Variants in TPTE2 observed in about 807,000 individuals in gnomAD.
TPTE2 encodes the protein transmembrane phosphoinositide 3-phosphatase and tensin homolog 2, also known as phosphatidylinositol 3,4,5-trisphosphate 3-phosphatase TPTE2.
Under a neutral mutation model 78.6 loss-of-function variants are expected in TPTE2, and 53 were observed. The observed-to-expected ratio is 0.67, with a 90% CI of 0.54 to 0.85. TPTE2 has a LOEUF of 0.85. Among genes scored for constraint, TPTE2 ranks in the 40% least tolerant of loss-of-function variants. TPTE2 has a pLI of 0.00. For missense variants in TPTE2, 461 were observed against 623.0 expected (o/e 0.74, Z 2.77); for synonymous variants, 175 against 206.2 (o/e 0.85, Z 1.30).
the TPTE2 span, among the ~76,000 whole-genome samples, chr13:19,551,182 G>A: frequency 2.0e-5 from 3 of 152,266 alleles, no homozygotes; most frequent in Admixed American, 1.3e-4. Context: ...ACTTAAAAAG[G>A]CATTGGTCTT....
intron 4 of TPTE2, among the ~76,000 whole-genome samples, chr13:19,480,878 C>T (rs868102421): frequency 1.3e-5 from 2 of 151,950 alleles, no homozygotes; most frequent in Non-Finnish European, 2.9e-5. Flanking sequence ...ACAATATAGA[C>T]ATTTAGCCTC....
intron 1 of TPTE2, 48 bp downstream of exon 4, chr13:19,503,176 T>A: frequency 6.2e-7 from 1 of 1,612,422 alleles, no homozygotes. Flanking sequence ...AATACTTCTA[T>A]GCTCAGTTAT....
chr13:19,449,392 C>A (rs1329992094), intron 13 of TPTE2, among the ~76,000 whole-genome samples: 1 of 152,194 alleles, frequency 6.6e-6, no homozygotes, highest in East Asian at 1.9e-4. Context: ...CCACCTGCCT[C>A]AGCCTCCCAA....
At chr13:19,488,348 T>C (rs1184406899) in intron 3 of TPTE2, among the ~76,000 whole-genome samples, 1 of 152,234 alleles carries the variant, frequency 6.6e-6, no homozygotes, top group Non-Finnish European at 1.5e-5. Flanking sequence ...GCCTCTGCTT[T>C]GAAGATTTGA....
chr13:19,450,157 C>T lies in TPTE2; in HGVS notation c.892G>A (p.Val298Met), dbSNP rs143930436. The T allele has an allele frequency of 1.4e-3, 2,201 of 1,611,204 alleles. 12 individuals carry two copies. Among genetic ancestry groups the T allele is most frequent in the South Asian group, 4.8e-3 (439 of 90,930 alleles). ...TCATTTACTTCCTTGGTGAAAACCA[C>T]CATCTCACTGATTTCAAGTTTAAGA... Residue 298 changes from valine (V) to methionine (M), a missense_variant, in exon 13 of 20, where the codon GTG (valine) becomes ATG (methionine). Coordinates refer to ENST00000400230, the Ensembl canonical transcript of TPTE2.
At chr13:19,547,064 G>T in the TPTE2 span, among the ~76,000 whole-genome samples, 1 of 143,462 alleles carries the variant, frequency 7.0e-6, no homozygotes, top group African/African-American at 2.5e-5. Flanking sequence ...TTAATATTAT[G>T]AAGAGAAGAT....
chr13:19,492,400 A>G lies in TPTE2; in HGVS notation c.119+450T>C, dbSNP rs146141928. On this transcript the variant is annotated intron_variant, in intron 3 of 19. Transcript: ENST00000400230. ...CTCCTTATTGGCTGCTATCTCATCC[A>G]TGTTGCAAATAGGATTCTCTCCTTT... Among the ~76,000 whole-genome samples, 363 of 152,158 alleles carry G rather than the reference A, an allele frequency of 2.4e-3. 3 individuals are homozygous for G. Among genetic ancestry groups the G allele is most frequent in the African/African-American group, 7.8e-3 (322 of 41,514 alleles).
chr13:19,558,870 T>C, the TPTE2 span, among the ~76,000 whole-genome samples: 1 of 152,210 alleles, frequency 6.6e-6, no homozygotes, highest in African/African-American at 2.4e-5. Context: ...ATTAAGTAAT[T>C]ACAAAGATTC....
chr13:19,524,559 A>T (rs1870381891), intron 1 of TPTE2, among the ~76,000 whole-genome samples: 1 of 152,250 alleles, frequency 6.6e-6, no homozygotes, highest in African/African-American at 2.4e-5. Flanking sequence ...AGGAGTCAAC[A>T]GAAACCATAA....
chr13:19,486,384 G>T lies in TPTE2; in HGVS notation c.120-3837C>A, dbSNP rs1271476096. Among the ~76,000 whole-genome samples the T allele has an allele frequency of 6.6e-6, 1 of 152,128 alleles. No individual in the cohort carries two copies. Among genetic ancestry groups the T allele is most frequent in the Non-Finnish European group, 1.5e-5 (1 of 68,018 alleles). ...TGGGCTCACTGGGCTGTTTCTCAGG[G>T]TAGGGGTGTGTGCAGGCATACACTG... On this transcript the variant is annotated intron_variant, in intron 3 of 19. Transcript: ENST00000400230. This position sits in a 1 kb window ranked among gnomAD's most constrained non-coding sequence, Gnocchi z 4.3.
At chr13:19,533,399 A>C (rs1054650707) in intron 1 of TPTE2, among the ~76,000 whole-genome samples, 1 of 152,246 alleles carries the variant, frequency 6.6e-6, no homozygotes, top group Non-Finnish European at 1.5e-5. Flanking sequence ...AATGACTTTA[A>C]AGATATTGGA....
intron 1 of TPTE2, among the ~76,000 whole-genome samples, chr13:19,524,369 G>A (rs575086384): frequency 6.6e-6 from 1 of 152,272 alleles, no homozygotes; most frequent in African/African-American, 2.4e-5. Flanking sequence ...CATAGTCCAA[G>A]AAACCTCAAA....
Position 19,432,594 on chromosome 13 carries a change from A to T in TPTE2, c.1117-16T>A. 6.4e-7 allele frequency: 1 copy of T among 1,556,248 alleles called. No homozygotes were observed. Among genetic ancestry groups the T allele is most frequent in the Non-Finnish European group, 8.8e-7 (1 of 1,135,558 alleles). On this transcript the variant is annotated splice_polypyrimidine_tract_variant and intron_variant, in intron 15 of 19. Transcript: ENST00000400230. ...CATATCTATTCTGAAAAGCAACAGAAATCTTCCTTTAAGTGGAGATGAAAA... is the reference window on the plus strand; with the variant it reads ...CATATCTATTCTGAAAAGCAACAGATATCTTCCTTTAAGTGGAGATGAAAA...
At chr13:19,534,108 T>A (rs893255190) in intron 1 of TPTE2, among the ~76,000 whole-genome samples, 1 of 152,176 alleles carries the variant, frequency 6.6e-6, no homozygotes, top group African/African-American at 2.4e-5. Context: ...CTACTGAACA[T>A]CAGAGCTTAG....
At chr13:19,537,991 C>A (rs1871305295), upstream of TPTE2, among the ~76,000 whole-genome samples, 1 of 152,112 alleles carries the variant, frequency 6.6e-6, no homozygotes, top group South Asian at 2.1e-4. Context: ...ATAAATGGTA[C>A]TTTTGGCTAC....
In TPTE2 at chr13:19,525,140, A is replaced by G. The variant is rs1324814018; in HGVS notation, c.-44+11456T>C. Among the ~76,000 whole-genome samples the G allele has an allele frequency of 3.9e-5, 6 of 152,274 alleles. No individual in the cohort carries two copies. In the East Asian group the frequency reaches 1.2e-3, roughly 29 times the overall value. On this transcript the variant is annotated intron_variant, in intron 1 of 17. Transcript: ENST00000390680. ...GTGAGAGATGTTGAGGGCCTGAAAA[A>G]CCAGGGTGGTAGTAAGAATTGAGAG...
chr13:19,466,383 G>C (rs555394756), intron 7 of TPTE2, among the ~76,000 whole-genome samples: 6 of 152,300 alleles, frequency 3.9e-5, no homozygotes, highest in African/African-American at 1.2e-4. Context: ...CACTTAACAT[G>C]CTTTTAGTTG....
At chr13:19,539,613 C>T (rs2041063519), upstream of TPTE2, among the ~76,000 whole-genome samples, 1 of 152,120 alleles carries the variant, frequency 6.6e-6, no homozygotes, top group Non-Finnish European at 1.5e-5. Flanking sequence ...GATTTTATCA[C>T]GTGTCAAATT....
chr13:19,528,100 G>A (rs1870624479), intron 1 of TPTE2, among the ~76,000 whole-genome samples: 1 of 152,092 alleles, frequency 6.6e-6, no homozygotes, highest in South Asian at 2.1e-4. Context: ...TACCTTTCTT[G>A]GCCGGGTGCG....
Sources: gnomAD v4.1 joint callset for allele counts (sites outside exome capture counted in the v4.1 genomes callset) on GRCh38, gnomAD v4.1.1 for gene constraint, Gnocchi (gnomAD v3.1) non-coding constraint, MANE v1.5 for transcripts, NCBI Gene and HGNC (gene_info 2026-07-23, HGNC 2026-07-21) for gene names.